NDUFB3: variants seen among roughly 807,000 people sequenced by gnomAD.
The protein encoded by NDUFB3 is NADH:ubiquinone oxidoreductase subunit B3.
NDUFB3 carries 7 observed loss-of-function variants against 9.0 expected under a neutral mutation model. The ratio of observed to expected loss-of-function variants is 0.78; its 90% CI spans 0.44 to 1.46. The LOEUF is 1.46. NDUFB3 is among the 40% of genes most tolerant of loss of function. The pLI is 0.01. For synonymous variants in NDUFB3, 29 were observed against 38.5 expected, an observed-to-expected ratio of 0.75 and a Z score of 0.91; for missense variants, 93 against 115.4, an observed-to-expected ratio of 0.81 and a Z score of 0.89.
chr2:201,082,496 C>G (rs2047238351), intron 2 of NDUFB3, among the ~76,000 whole-genome samples: 1 of 151,890 alleles, frequency 6.6e-6, no homozygotes, highest in African/African-American at 2.4e-5. Context: ...AAATCCTGAG[C>G]TCATGTGATT....
Position 201,083,102 on chromosome 2 carries a change from G to A in NDUFB3, c.141-2357G>A, listed in dbSNP as rs532714858. On this transcript the variant is annotated intron_variant, in intron 2 of 2. Coordinates refer to ENST00000237889, the MANE Select transcript of NDUFB3 (RefSeq NM_002491.3). ...CAATCATTCTGTCTACAAATACATT[G>A]TTACTTCTTCCTTTTCAATCTGTAA... Among the ~76,000 whole-genome samples the A allele has an allele frequency of 2.4e-3, 365 of 152,228 alleles. 1 individual carries two copies. Among genetic ancestry groups the A allele is most frequent in the African/African-American group, 8.0e-3 (334 of 41,552 alleles).
chr2:201,077,106 C>G (rs1352942913), intron 1 of NDUFB3, among the ~76,000 whole-genome samples: 2 of 151,744 alleles, frequency 1.3e-5, no homozygotes, highest in African/African-American at 2.4e-5. Context: ...ATCTCAAAAA[C>G]AAAAGAAAAG....
chr2:201,079,762 G>A (rs900654751), intron 2 of NDUFB3: 3 of 152,058 alleles, frequency 2.0e-5, no homozygotes, highest in South Asian at 2.1e-4. Flanking sequence ...TTTTAAAATC[G>A]ACTTTATTGA....
At chr2:201,074,609 AC>A (rs2047140094) in intron 1 of NDUFB3, among the ~76,000 whole-genome samples, 1 of 152,034 alleles carries the variant, frequency 6.6e-6, no homozygotes, top group South Asian at 2.1e-4. Context: ...GGTGTGTGCT[AC>A]CACACCTGGC....
Position 201,075,553 on chromosome 2 carries a change from G to A in NDUFB3, c.-2-3328G>A, listed in dbSNP as rs575069124. 3.0e-3 allele frequency among the ~76,000 whole-genome samples: 386 copies of A among 128,964 alleles called. 1 individual carries two copies. The highest frequency in any genetic ancestry group is 9.5e-3 in the African/African-American group (304 of 32,016). 84.6% of individuals were successfully genotyped at this position (128,964 alleles called of 152,430 possible). On this transcript the variant is annotated intron_variant, in intron 1 of 2. Coordinates refer to ENST00000237889, the MANE Select transcript of NDUFB3 (RefSeq NM_002491.3). ...TGTACTACAGCCTGGGCGACAGAGC[G>A]AGACTCTGTCTCAAAAAAAAAAAAA...
chr2:201,073,758 G>A (rs1443204121), intron 1 of NDUFB3, among the ~76,000 whole-genome samples: 1 of 151,482 alleles, frequency 6.6e-6, no homozygotes, highest in Non-Finnish European at 1.5e-5. Flanking sequence ...GCGACAGAGT[G>A]ATACTCCATC....
chr2:201,082,903 C>T (rs998753249), intron 2 of NDUFB3, among the ~76,000 whole-genome samples: 1 of 150,320 alleles, frequency 6.7e-6, no homozygotes, highest in Non-Finnish European at 1.5e-5. Flanking sequence ...TTAGTAGAGA[C>T]GGGGTTTCAC....
intron 1 of NDUFB3, among the ~76,000 whole-genome samples, chr2:201,072,585 A>G (rs1468696015): frequency 1.3e-5 from 2 of 152,110 alleles, no homozygotes; most frequent in Admixed American, 6.5e-5. Context: ...TTTTAGATTC[A>G]CTTCAGACAT....
chr2:201,073,336 C>T (rs2047117726), intron 1 of NDUFB3, among the ~76,000 whole-genome samples: 1 of 152,184 alleles, frequency 6.6e-6, no homozygotes, highest in Non-Finnish European at 1.5e-5. Flanking sequence ...GATTCAATCA[C>T]ACTTTTGCAT....
rs974929940 is a variant in NDUFB3 at position 201,072,022 on chromosome 2, G to A, written c.-40G>A. 3 of 152,272 alleles carry A rather than the reference G, an allele frequency of 2.0e-5. No homozygotes were observed. Among genetic ancestry groups the A allele is most frequent in the African/African-American group, 7.2e-5 (3 of 41,456 alleles). The allele number at this position is 152,272 out of a possible 1,614,324, so 9.4% of individuals were successfully genotyped here. A position where few individuals can be genotyped will look rare whatever the true frequency, so the allele number is the denominator to read the frequency against. On this transcript the variant is annotated 5_prime_UTR_variant, in exon 1 of 3. Transcript: ENST00000237889. ...CCTCCGTTTCCGGTTGGCTCCGGTT[G>A]CAGAGTTGAGTGTCCTGAGAGGTCA...
rs1250913348 is a variant in NDUFB3 at position 201,076,512 on chromosome 2, T to TATATATATATATATATATATATATATAA, written c.-2-2368_-2-2367insTATATATATATATATATATATATATAAA. Among the ~76,000 whole-genome samples, 92 of 134,368 alleles carry TATATATATATATATATATATATATATAA rather than the reference T, an allele frequency of 6.8e-4. 1 individual carries two copies. The highest frequency in any genetic ancestry group is 2.5e-3 in the African/African-American group (88 of 35,480). 88.2% of individuals were successfully genotyped at this position (134,368 alleles called of 152,430 possible). ...ATATATATATATATATATATATATA[T>TATATATATATATATATATATATATATAA]AATTAAATGTGAAAATCATCAACAT... On this transcript the variant is annotated intron_variant, in intron 1 of 2. Transcript: ENST00000237889.
chr2:201,085,434 T>C (rs2047280198), intron 2 of NDUFB3, 25 bp from the exon 3 acceptor site: 1 of 1,568,716 alleles, frequency 6.4e-7, no homozygotes, highest in Non-Finnish European at 8.6e-7. Flanking sequence ...TGTATGATTA[T>C]AATTTTTTCT....
At chr2:201,079,598 A>G (rs1229429437) in intron 2 of NDUFB3, among the ~76,000 whole-genome samples, 1 of 152,090 alleles carries the variant, frequency 6.6e-6, no homozygotes, top group African/African-American at 2.4e-5. Context: ...ATGGGCCACC[A>G]TGCCCAGCTA....
At chr2:201,081,012 A>C (rs1283839725) in intron 2 of NDUFB3, among the ~76,000 whole-genome samples, 1 of 151,868 alleles carries the variant, frequency 6.6e-6, no homozygotes, top group Admixed American at 6.6e-5. Context: ...CAAGATCTCC[A>C]ACCTGTAAAA....
In NDUFB3 at chr2:201,085,499, G is replaced by A; in HGVS notation, c.181G>A (p.Val61Ile). Residue 61 changes from valine (V) to isoleucine (I), a missense_variant, in exon 3 of 3, where the codon GTT (valine) becomes ATT (isoleucine). Val to Ile is a conservative substitution (Grantham distance 29). Coordinates refer to ENST00000237889, the MANE Select transcript of NDUFB3 (RefSeq NM_002491.3). ...WRYMGGFAKS[V>I]SFSDVFFKGF... ...ATACATGGGTGGCTTTGCAAAGAGT[G>A]TTTCCTTTTCTGATGTATTCTTTAA... 1 of 1,611,448 alleles carries A rather than the reference G, an allele frequency of 6.2e-7. No homozygotes were observed. Among genetic ancestry groups the A allele is most frequent in the African/African-American group, 1.3e-5 (1 of 74,774 alleles).
intron 2 of NDUFB3, among the ~76,000 whole-genome samples, chr2:201,083,682 AT>A (rs2047258356): frequency 6.6e-6 from 1 of 152,064 alleles, no homozygotes; most frequent in Non-Finnish European, 1.5e-5. Flanking sequence ...ATTTTGTTAA[AT>A]GCTTTTTCTG....
intron 1 of NDUFB3, among the ~76,000 whole-genome samples, chr2:201,075,653 T>C (rs775905697): frequency 1.3e-5 from 2 of 151,926 alleles, no homozygotes; most frequent in Non-Finnish European, 2.9e-5. Context: ...AGAAAATACA[T>C]TGAATGTATT....
Position 201,079,418 on chromosome 2 carries a change from C to T in NDUFB3, c.140+396C>T, listed in dbSNP as rs148474928. 7.7e-3 allele frequency among the ~76,000 whole-genome samples: 1,167 copies of T among 152,176 alleles called. 19 individuals carry two copies. Among genetic ancestry groups the T allele is most frequent in the African/African-American group, 0.027 (1,128 of 41,516 alleles). ...TCAGCCTCCCGAAGTGCTGGGATTACAGGCATGAGCCACCACGCCTGGCTA... is the reference window on the plus strand; with the variant it reads ...TCAGCCTCCCGAAGTGCTGGGATTATAGGCATGAGCCACCACGCCTGGCTA... On this transcript the variant is annotated intron_variant, in intron 2 of 2. Coordinates refer to ENST00000237889, the MANE Select transcript of NDUFB3 (RefSeq NM_002491.3).
intron 1 of NDUFB3, among the ~76,000 whole-genome samples, chr2:201,077,309 G>A (rs1388505859): frequency 6.6e-6 from 1 of 152,042 alleles, no homozygotes; most frequent in Non-Finnish European, 1.5e-5. Context: ...ATAGTATAGT[G>A]TTACTAAGCC....
Sources: allele counts gnomAD v4.1 joint callset (sites outside exome capture counted in the v4.1 genomes callset), GRCh38; gene constraint gnomAD v4.1.1; transcripts MANE v1.5; gene names NCBI Gene and HGNC (gene_info 2026-07-23, HGNC 2026-07-21).